The following PLEKHH1 variants were observed in gnomAD, a reference collection of about 807,000 sequenced individuals.
PLEKHH1 encodes pleckstrin homology domain-containing family H member 1.
In PLEKHH1, 104 loss-of-function variants were observed where a neutral mutation model predicts 160.0. That is an observed-to-expected ratio of 0.65 (90% CI 0.55 to 0.76). The LOEUF is 0.76. Among genes scored for constraint, PLEKHH1 ranks in the 30% least tolerant of loss-of-function variants. The pLI is 0.00. For synonymous variants in PLEKHH1, 619 were observed against 678.4 expected (o/e 0.91, Z 1.36); for missense variants, 1,427 against 1,724.1 (o/e 0.83, Z 3.05).
intron 21 of PLEKHH1, 177 bp from the exon 22 acceptor site, chr14:67,579,544 A>G: frequency 1.5e-6 from 1 of 669,128 alleles, no homozygotes; most frequent in Non-Finnish European, 2.5e-6. Flanking sequence ...TTTACAGTGG[A>G]TAAGCTCACA....
intron 2 of PLEKHH1, among the ~76,000 whole-genome samples, chr14:67,543,687 G>A (rs916080182): frequency 6.6e-6 from 1 of 151,938 alleles, no homozygotes; most frequent in Non-Finnish European, 1.5e-5. Flanking sequence ...GAAAAGGAAG[G>A]AAAGGATAAG....
intron 18 of PLEKHH1, 63 bp from the exon 19 acceptor site, chr14:67,577,960 C>A: frequency 6.7e-7 from 1 of 1,486,812 alleles, no homozygotes; most frequent in Non-Finnish European, 9.2e-7. Flanking sequence ...AATGGCCAAG[C>A]CGTTGAGTTC....
chr14:67,555,898 G>A lies in PLEKHH1; in HGVS notation c.189+11G>A. ...AACGCTGAGACCCAGGTAACCAGGG[G>A]AGGGGATCGGCGGGAATATGCAGGG... On this transcript the variant is annotated intron_variant, in intron 3 of 28. Transcript: ENST00000329153. 1 of 1,613,060 alleles carries A rather than the reference G, an allele frequency of 6.2e-7. No homozygotes were observed. The highest frequency in any genetic ancestry group is 8.5e-7 in the Non-Finnish European group (1 of 1,179,506).
In PLEKHH1 at chr14:67,587,481, C is replaced by G; in HGVS notation, c.*246C>G. The G allele has an allele frequency of 1.9e-6, 1 of 527,530 alleles. No homozygotes were observed. The highest frequency in any genetic ancestry group is 3.2e-5 in the Admixed American group (1 of 31,316). 32.7% of individuals were successfully genotyped at this position (527,530 alleles called of 1,614,324 possible). A position where few individuals can be genotyped will look rare whatever the true frequency, so the allele number is the denominator to read the frequency against. On this transcript the variant is annotated 3_prime_UTR_variant, in exon 29 of 29. Coordinates refer to ENST00000329153, the MANE Select transcript of PLEKHH1 (RefSeq NM_020715.3). ...TCCTTTTTTCATAAGAATAATGACTCCAGATGCTACCTGATTCTAGACATA... is the reference window on the plus strand; with the variant it reads ...TCCTTTTTTCATAAGAATAATGACTGCAGATGCTACCTGATTCTAGACATA...
intron 2 of PLEKHH1, among the ~76,000 whole-genome samples, chr14:67,542,345 T>C (rs1216245183): frequency 6.6e-6 from 1 of 152,176 alleles, no homozygotes; most frequent in African/African-American, 2.4e-5. Context: ...AACAGAAATC[T>C]CTACCCTTCC....
Position 67,574,483 on chromosome 14 carries a change from G to T in PLEKHH1, c.2088+80G>T. 1 of 1,205,770 alleles carries T rather than the reference G, an allele frequency of 8.3e-7. No homozygotes were observed. Among genetic ancestry groups the T allele is most frequent in the Non-Finnish European group, 1.1e-6 (1 of 904,286 alleles). The allele number at this position is 1,205,770 out of a possible 1,614,324, so 74.7% of individuals were successfully genotyped here. A position where few individuals can be genotyped will look rare whatever the true frequency, so the allele number is the denominator to read the frequency against. On this transcript the variant is annotated intron_variant, in intron 14 of 28. Coordinates refer to ENST00000329153, the MANE Select transcript of PLEKHH1 (RefSeq NM_020715.3). This position sits in a 1 kb window ranked among gnomAD's most constrained non-coding sequence, Gnocchi z 4.2. The stretch of plus-strand genomic sequence containing the variant: ...CCAGGATTGGGGTGCCGAGGGTGGT[G>T]GGTTCCCCCTTATACGGGGCTCCTT...
chr14:67,553,000 G>T (rs754840396), intron 2 of PLEKHH1, among the ~76,000 whole-genome samples: 1 of 152,216 alleles, frequency 6.6e-6, no homozygotes, highest in South Asian at 2.1e-4. Flanking sequence ...GCGATTTCTG[G>T]TTCTGACCAA....
chr14:67,569,842 C>T, intron 8 of PLEKHH1, 79 bp from the exon 9 acceptor site: 1 of 871,666 alleles, frequency 1.1e-6, no homozygotes, highest in South Asian at 1.4e-5. Context: ...GGAATGCCAT[C>T]TGCCCAGTTC....
At chr14:67,555,019 C>G (rs941805501) in intron 2 of PLEKHH1, among the ~76,000 whole-genome samples, 12 of 152,118 alleles carry the variant, frequency 7.9e-5, no homozygotes, top group African/African-American at 2.7e-4. Context: ...CTCAAGTGAT[C>G]CGCCTGCCTC....
intron 7 of PLEKHH1, among the ~76,000 whole-genome samples, chr14:67,567,251 G>A (rs987397093): frequency 6.6e-6 from 1 of 152,148 alleles, no homozygotes; most frequent in African/African-American, 2.4e-5. Flanking sequence ...GGCGGTGGGG[G>A]AATGAAATGT....
chr14:67,586,991 T>G lies in PLEKHH1; in HGVS notation c.3934-83T>G, dbSNP rs1320684358. On this transcript the variant is annotated intron_variant, in intron 28 of 28. Coordinates refer to ENST00000329153, the MANE Select transcript of PLEKHH1 (RefSeq NM_020715.3). ...ATTAAATAAACTGAGGCCCAGGAAC[T>G]CAGCATAAGAGCTAATAAGTAAGAA... The G allele has an allele frequency of 8.5e-6, 13 of 1,529,382 alleles. No homozygotes were observed. The East Asian group carries it at 3.2e-4, about 38-fold the overall frequency. 94.7% of individuals were successfully genotyped at this position (1,529,382 alleles called of 1,614,324 possible). A position where few individuals can be genotyped will look rare whatever the true frequency, so the allele number is the denominator to read the frequency against.
Position 67,573,509 on chromosome 14 carries a change from G to A in PLEKHH1, c.1839+123G>A, listed in dbSNP as rs986574376. On this transcript the variant is annotated intron_variant, in intron 12 of 28. Coordinates refer to ENST00000329153, the MANE Select transcript of PLEKHH1 (RefSeq NM_020715.3). The surrounding 1 kb of genome is among the most constrained non-coding windows in gnomAD (Gnocchi z 4.8). ...CCAGAGGGCAAAGGTCTGGCAGGTGGGGAGAGGCAACCTCACTGGGCCCCT... is the reference window on the plus strand; with the variant it reads ...CCAGAGGGCAAAGGTCTGGCAGGTGAGGAGAGGCAACCTCACTGGGCCCCT... 6 of 704,974 alleles carry A rather than the reference G, an allele frequency of 8.5e-6. No individual in the cohort carries two copies. The highest frequency in any genetic ancestry group is 1.4e-5 in the Non-Finnish European group (6 of 416,292). 43.7% of individuals were successfully genotyped at this position (704,974 alleles called of 1,614,324 possible).
Position 67,556,831 on chromosome 14 carries a change from T to TA in PLEKHH1, c.190-437dup, listed in dbSNP as rs375509943. Reference sequence around the variant, plus strand: ...GTTGGATCAATGACATGGCTCCATCTAGCTGCAGAAGGGTTGAGAAATATG... The same window carrying TA: ...GTTGGATCAATGACATGGCTCCATCTAAGCTGCAGAAGGGTTGAGAAATATG... On this transcript the variant is annotated intron_variant, in intron 3 of 28. Transcript: ENST00000329153. 7.9e-4 allele frequency among the ~76,000 whole-genome samples: 121 copies of TA among 152,324 alleles called. 2 individuals are homozygous for TA. The highest frequency in any genetic ancestry group is 2.8e-3 in the African/African-American group (117 of 41,574).
At chr14:67,537,463 G>A (rs1040481050) in intron 1 of PLEKHH1, among the ~76,000 whole-genome samples, 6 of 150,824 alleles carry the variant, frequency 4.0e-5, no homozygotes, top group Admixed American at 1.3e-4. Context: ...CCAGGAGTTC[G>A]AGACCAGCCT....
chr14:67,542,799 C>G (rs762322330), intron 2 of PLEKHH1, among the ~76,000 whole-genome samples: 2 of 152,166 alleles, frequency 1.3e-5, no homozygotes, highest in Non-Finnish European at 2.9e-5. Flanking sequence ...CTCCTGGGCT[C>G]AAGCGATTCT....
At chr14:67,559,786 C>G (rs1008541470) in intron 5 of PLEKHH1, 95 bp downstream of exon 5, 9 of 761,102 alleles carry the variant, frequency 1.2e-5, no homozygotes, top group Non-Finnish European at 1.9e-5. Context: ...TAGGGTGCCT[C>G]GGCTGACCTT....
rs6573782 is a variant in PLEKHH1, at chr14:67,579,885, C to T, written c.3183+9C>T. ...TGCAGGGAAGTGTCAAGGTGACAGC[C>T]TCCCACTAAGCCAGCTGAGCCCCTC... is the stretch of plus-strand genomic sequence containing the variant. On this transcript the variant is annotated intron_variant, in intron 22 of 28. Coordinates refer to ENST00000329153, the MANE Select transcript of PLEKHH1 (RefSeq NM_020715.3). 449,777 of 1,587,174 alleles carry T rather than the reference C, an allele frequency of 0.28. 66,258 individuals carry two copies. Among genetic ancestry groups the T allele is most frequent in the Non-Finnish European group, 0.29 (342,179 of 1,166,194 alleles).
intron 1 of PLEKHH1, among the ~76,000 whole-genome samples, chr14:67,539,402 T>C (rs748692936): frequency 9.9e-5 from 15 of 152,082 alleles, no homozygotes; most frequent in South Asian, 2.1e-4. Context: ...GCTGAAGTCA[T>C]GTGTTCTGAG....
At position 67,572,163 on chromosome 14, in the gene PLEKHH1, G is replaced by A. The variant is rs2140471393; in HGVS notation, c.1614G>A (p.Glu538=). 1.9e-6 allele frequency: 3 copies of A among 1,607,564 alleles called. No individual in the cohort carries two copies. The East Asian group carries it at 6.7e-5, about 36-fold the overall frequency. ...RGVSMSSLSS[E]GDYAIPPDAC... is the part of the protein sequence containing the mutation. ...TCTCCATGTCCTCACTGAGCTCCGA[G>A]GGTGACTACGCCATCCCCCCGGACG... Residue 538 remains glutamate (E), a synonymous_variant, in exon 11 of 29, where the codon GAG becomes GAA. Coordinates refer to ENST00000329153, the MANE Select transcript of PLEKHH1 (RefSeq NM_020715.3).
Sources: allele counts gnomAD v4.1 joint callset (sites outside exome capture counted in the v4.1 genomes callset), GRCh38; gene constraint gnomAD v4.1.1; non-coding constraint Gnocchi (gnomAD v3.1); transcripts MANE v1.5; gene names NCBI Gene and HGNC (gene_info 2026-07-23, HGNC 2026-07-21).